Variants in CRIP3 observed in about 807,000 individuals in gnomAD.
The protein encoded by CRIP3 is cysteine rich protein 3.
A neutral mutation model predicts 30.3 loss-of-function variants in CRIP3; 23 were observed. The observed-to-expected ratio is 0.76, with a 90% CI of 0.55 to 1.08. The LOEUF is 1.08. Ranked by LOEUF, CRIP3 falls within the 50% of genes least tolerant of loss-of-function variation. The pLI is 0.00. For synonymous variants in CRIP3, 89 were observed against 97.6 expected, an observed-to-expected ratio of 0.91 and a Z score of 0.52; for missense variants, 261 against 259.3, an observed-to-expected ratio of 1.01 and a Z score of -0.04.
At chr6:43,308,036 G>A (rs1356896535) in intron 2 of CRIP3, 140 bp from the exon 3 acceptor site, 3 of 894,036 alleles carry the variant, frequency 3.4e-6, no homozygotes, top group South Asian at 1.5e-5. Context: ...GGATGGGCTG[G>A]CATGCCAGCA....
Position 43,306,116 on chromosome 6 carries a change from T to G in CRIP3, c.504A>C (p.Gly168=), listed in dbSNP as rs1433841494. 6.2e-7 allele frequency: 1 copy of G among 1,613,890 alleles called. No homozygotes were observed. Among genetic ancestry groups the G allele is most frequent in the East Asian group, 2.2e-5 (1 of 44,864 alleles). ...LTAGSHAEHD[G]VPYCHVPCYG... ...AGCAGGGGACGTGGCAGTAGGGGACTCCATCATGCTGAGACACAGAGAGAA... is the reference window on the plus strand; with the variant it reads ...AGCAGGGGACGTGGCAGTAGGGGACGCCATCATGCTGAGACACAGAGAGAA... The change falls in exon 7 of 8, where the codon GGA becomes GGC. Residue 168 remains glycine (G), a synonymous_variant. Transcript: ENST00000372569.
At position 43,306,507 on chromosome 6, in the gene CRIP3, A is replaced by G; in HGVS notation, c.339T>C (p.His113=). The stretch of plus-strand genomic sequence containing the variant: ...AGGTCTCCCCAGTGAATGTCTTCAT[A>G]TGGGGAGGGCCTTTAAAGGGGAAGA... ...GLPQGKKSPP[H]MKTFTGETSL... The change falls in exon 5 of 8, where the codon CAT becomes CAC. Residue 113 remains histidine (H), a synonymous_variant. Transcript: ENST00000372569. 6.2e-7 allele frequency: 1 copy of G among 1,608,314 alleles called. No individual in the cohort carries two copies. Among genetic ancestry groups the G allele is most frequent in the Non-Finnish European group, 8.5e-7 (1 of 1,177,000 alleles).
In CRIP3 at chr6:43,307,933, C is replaced by G. The variant is rs764540933; in HGVS notation, c.139-37G>C. Reference sequence around the variant, plus strand: ...CAGAGGGAAGTGGGTTACTCAAGGCCAGCGGGAGCCATGCCCCACAGGCCT... The same window carrying G: ...CAGAGGGAAGTGGGTTACTCAAGGCGAGCGGGAGCCATGCCCCACAGGCCT... On this transcript the variant is annotated intron_variant, in intron 2 of 7. Transcript: ENST00000372569. The G allele has an allele frequency of 1.9e-6, 3 of 1,609,836 alleles. No individual in the cohort carries two copies. The South Asian group carries it at 3.3e-5, about 18-fold the overall frequency.
Position 43,305,631 on chromosome 6 carries a change from T to A in CRIP3, c.*183A>T. ...GGGCTGTTCCCTAACCAGATAGAAA[T>A]GGGAAAGGGAAAAAATTGGCAGAGA... On this transcript the variant is annotated 3_prime_UTR_variant, in exon 8 of 8. Transcript: ENST00000372569. 1.4e-6 allele frequency: 1 copy of A among 733,846 alleles called. No individual in the cohort carries two copies. The allele number at this position is 733,846 out of a possible 1,614,324, so 45.5% of individuals were successfully genotyped here.
intron 4 of CRIP3, 121 bp downstream of exon 4, chr6:43,307,491 G>T: frequency 1.0e-6 from 1 of 988,574 alleles, no homozygotes; most frequent in South Asian, 3.6e-5. Flanking sequence ...ACTTTGCCAA[G>T]AATGAAGTTG....
At chr6:43,306,568 G>GCAC in intron 4 of CRIP3, 51 bp from the exon 5 acceptor site, 2 of 1,399,172 alleles carry the variant, frequency 1.4e-6, no homozygotes, top group South Asian at 2.7e-5. Flanking sequence ...ATGCCCACCA[G>GCAC]CACCTGCCTG....
chr6:43,306,665 A>G (rs916540310), intron 4 of CRIP3, 148 bp from the exon 5 acceptor site: 6 of 642,440 alleles, frequency 9.3e-6, no homozygotes, highest in African/African-American at 3.7e-5. Flanking sequence ...ACAGGCCCAG[A>G]GCTGAGCCCC....
Position 43,307,843 on chromosome 6 carries a change from G to C in CRIP3, c.192C>G (p.Pro64=), listed in dbSNP as rs1162320663. The change falls in exon 3 of 8, where the codon CCC becomes CCG. Residue 64 remains proline (P), a synonymous_variant. Coordinates refer to ENST00000372569, the MANE Select transcript of CRIP3 (RefSeq NM_206922.3). ...CCCCTTAAGGCTGGTACTTACCCCT[G>C]GGTCCAAAGAGAGCCCCATAGCATG... ...HKPCYGALFG[P]RGVNIGGVGS... is the part of the protein sequence containing the mutation. The C allele has an allele frequency of 6.2e-7, 1 of 1,614,036 alleles. No individual in the cohort carries two copies. Among genetic ancestry groups the C allele is most frequent in the South Asian group, 1.1e-5 (1 of 91,084 alleles).
Sources: allele counts gnomAD v4.1 joint callset, GRCh38; gene constraint gnomAD v4.1.1; transcripts MANE v1.5; gene names NCBI Gene and HGNC (gene_info 2026-07-23, HGNC 2026-07-21).